Variants in CYP7B1 observed in about 807,000 individuals in gnomAD.
CYP7B1 encodes the protein cytochrome P450 7B1.
A neutral mutation model predicts 42.7 loss-of-function variants in CYP7B1; 29 were observed. The observed-to-expected ratio is 0.68, with a 90% CI of 0.51 to 0.93. The LOEUF is 0.93. CYP7B1 is among the 40% of genes least tolerant of loss of function. CYP7B1 has a pLI of 0.00. For synonymous variants in CYP7B1, 235 were observed against 218.2 expected, an observed-to-expected ratio of 1.08 and a Z score of -0.68; for missense variants, 655 against 600.5, an observed-to-expected ratio of 1.09 and a Z score of -0.95.
At chr8:64,667,744 T>C (rs919346182) in intron 1 of CYP7B1, among the ~76,000 whole-genome samples, 2 of 152,198 alleles carry the variant, frequency 1.3e-5, no homozygotes, top group Non-Finnish European at 2.9e-5. Context: ...GAAAAACCAT[T>C]GTCTTCCTTG....
At chr8:64,603,948 C>T (rs751647431) in intron 5 of CYP7B1, among the ~76,000 whole-genome samples, 3 of 152,214 alleles carry the variant, frequency 2.0e-5, no homozygotes, top group Non-Finnish European at 4.4e-5. Flanking sequence ...CACACAAAAA[C>T]TACTGCAGCA....
chr8:64,608,410 T>C (rs1805314595), intron 4 of CYP7B1, among the ~76,000 whole-genome samples: 1 of 152,158 alleles, frequency 6.6e-6, no homozygotes, highest in Non-Finnish European at 1.5e-5. Context: ...TGTCTGTATA[T>C]GTGGAATGAA....
chr8:64,638,087 C>A (rs1805800000), intron 1 of CYP7B1, among the ~76,000 whole-genome samples: 1 of 152,042 alleles, frequency 6.6e-6, no homozygotes, highest in Non-Finnish European at 1.5e-5. Context: ...AATGCAATTT[C>A]TACTCTTATT....
chr8:64,623,155 CT>C (rs1351845096), intron 2 of CYP7B1, among the ~76,000 whole-genome samples: 2 of 152,208 alleles, frequency 1.3e-5, no homozygotes, highest in Non-Finnish European at 2.9e-5. Flanking sequence ...TTCCATCTCT[CT>C]ACATGTGCCC....
At chr8:64,711,162 CA>C (rs904454242) in intron 1 of CYP7B1, among the ~76,000 whole-genome samples, 7 of 152,152 alleles carry the variant, frequency 4.6e-5, no homozygotes, top group Non-Finnish European at 1.5e-5. Context: ...CAGAAGAAGA[CA>C]AGAGTAGAGG....
intron 1 of CYP7B1, among the ~76,000 whole-genome samples, chr8:64,789,046 G>T (rs563022384): frequency 6.6e-6 from 1 of 151,978 alleles, no homozygotes; most frequent in African/African-American, 2.4e-5. Flanking sequence ...TCAGCCTCCC[G>T]AGTAGCTGGG....
At chr8:64,757,806 C>T (rs1378034134) in intron 1 of CYP7B1, among the ~76,000 whole-genome samples, 1 of 152,152 alleles carries the variant, frequency 6.6e-6, no homozygotes, top group Non-Finnish European at 1.5e-5. Context: ...CTCTGGAGAG[C>T]GTGGAGGAGT....
At chr8:64,741,775 C>T (rs1223540940) in intron 1 of CYP7B1, among the ~76,000 whole-genome samples, 1 of 152,096 alleles carries the variant, frequency 6.6e-6, no homozygotes, top group Non-Finnish European at 1.5e-5. Context: ...GAATGAAATG[C>T]TTGTTATAAG....
intron 1 of CYP7B1, among the ~76,000 whole-genome samples, chr8:64,644,297 T>C (rs1056062234): frequency 1.8e-4 from 28 of 151,364 alleles, no homozygotes; most frequent in African/African-American, 5.8e-4. Flanking sequence ...AGAATGGCTA[T>C]CAACTTTTTC....
chr8:64,716,884 A>T (rs572289542), intron 1 of CYP7B1, among the ~76,000 whole-genome samples: 7 of 152,142 alleles, frequency 4.6e-5, no homozygotes, highest in Non-Finnish European at 7.4e-5. Flanking sequence ...TTTGTCTTTT[A>T]TACTTCAAAC....
rs571738566 is a variant in CYP7B1, at chr8:64,744,356, T to C, written c.122+54110A>G. Among the ~76,000 whole-genome samples the C allele has an allele frequency of 9.9e-5, 15 of 152,266 alleles. 1 individual carries two copies. In the South Asian group the frequency reaches 3.1e-3, roughly 32 times the overall value. On this transcript the variant is annotated intron_variant, in intron 1 of 5. Transcript: ENST00000310193. ...GATTTAATGAAAAAGAATCTCTTTT[T>C]TTTTTCCTTTTCTCATTACATAGGC...
chr8:64,735,096 G>A (rs1414093357), intron 1 of CYP7B1, among the ~76,000 whole-genome samples: 1 of 152,072 alleles, frequency 6.6e-6, no homozygotes, highest in Non-Finnish European at 1.5e-5. Flanking sequence ...AGGACCCCTG[G>A]TCTAGACCAC....
At chr8:64,633,036 T>C (rs567535531) in intron 1 of CYP7B1, among the ~76,000 whole-genome samples, 4 of 152,240 alleles carry the variant, frequency 2.6e-5, no homozygotes, top group Admixed American at 2.6e-4. Flanking sequence ...AAGTCTTCAG[T>C]GTTTTCAGTC....
intron 1 of CYP7B1, among the ~76,000 whole-genome samples, chr8:64,659,052 T>C (rs1806162606): frequency 6.6e-6 from 1 of 152,212 alleles, no homozygotes; most frequent in Admixed American, 6.5e-5. Context: ...ATTTTGGGGC[T>C]GAAAAGCTAA....
chr8:64,762,157 G>T (rs146888258), intron 1 of CYP7B1, among the ~76,000 whole-genome samples: 29 of 152,174 alleles, frequency 1.9e-4, no homozygotes, highest in African/African-American at 6.3e-4. Context: ...TACTATAGTA[G>T]CTTTTTTTAG....
intron 1 of CYP7B1, among the ~76,000 whole-genome samples, chr8:64,709,330 G>A (rs955795411): frequency 1.3e-5 from 2 of 152,090 alleles, no homozygotes; most frequent in African/African-American, 4.8e-5. Flanking sequence ...TCTTATTTAT[G>A]AGCTATTTCT....
intron 1 of CYP7B1, among the ~76,000 whole-genome samples, chr8:64,771,047 CTTTTTTTTTTT>C (rs757503820): frequency 4.5e-4 from 19 of 42,502 alleles, no homozygotes; most frequent in East Asian, 2.5e-3. Context: ...ATATCAGCAT[CTTTTTTTTTTT>C]TTTTTTTTTT....
Position 64,615,228 on chromosome 8 carries a change from A to G in CYP7B1, c.855T>C (p.His285=). Residue 285 remains histidine (H), a synonymous_variant, in exon 4 of 6, where the codon CAT becomes CAC. Coordinates refer to ENST00000310193, the MANE Select transcript of CYP7B1 (RefSeq NM_004820.5). ...YVHEDLEIGA[H]HLGFLWASVA... is the part of the protein sequence containing the mutation. ...CAGAGGCCCAGAGAAAGCCTAAATG[A>G]TGTGCTGGGAGAAAATAAGTGAAAA... The G allele has an allele frequency of 6.2e-7, 1 of 1,612,396 alleles. No homozygotes were observed. The highest frequency in any genetic ancestry group is 8.5e-7 in the Non-Finnish European group (1 of 1,179,012).
rs1471590067 is a variant in CYP7B1, at chr8:64,615,158, GAAGAT to G, written c.920_924del (p.Tyr307SerfsTer12). 1 of 1,613,658 alleles carries G rather than the reference GAAGAT, an allele frequency of 6.2e-7. No homozygotes were observed. The highest frequency in any genetic ancestry group is 8.5e-7 in the Non-Finnish European group (1 of 1,179,794). Reference sequence around the variant, plus strand: ...GCTGCCATAGCTTCTGGGTGCCGCAGAAGATAATACATTGCCCAGAACATAGTTGG... The same window carrying G: ...GCTGCCATAGCTTCTGGGTGCCGCAGAATACATTGCCCAGAACATAGTTGG... On this transcript the variant is annotated frameshift_variant, in exon 4 of 6. Coordinates refer to ENST00000310193, the MANE Select transcript of CYP7B1 (RefSeq NM_004820.5). LOFTEE classifies it high-confidence loss of function.
Sources: allele counts gnomAD v4.1 joint callset (sites outside exome capture counted in the v4.1 genomes callset), GRCh38; gene constraint gnomAD v4.1.1; transcripts MANE v1.5; gene names NCBI Gene and HGNC (gene_info 2026-07-23, HGNC 2026-07-21).